Variants in CDH13 observed in about 807,000 individuals in gnomAD.
The protein encoded by CDH13 is cadherin-13.
In CDH13, 24 loss-of-function variants were observed where a neutral mutation model predicts 63.8. The observed-to-expected ratio is 0.38, with a 90% confidence interval of 0.27 to 0.53. The LOEUF is 0.53. Ranked by LOEUF, CDH13 falls within the 20% of genes least tolerant of loss-of-function variation. The pLI, the probability that CDH13 is intolerant of heterozygous loss-of-function variation, is 0.85. For synonymous variants in CDH13, 503 were observed against 355.3 expected (o/e 1.42, Z -4.67); for missense variants, 1,049 against 903.1 (o/e 1.16, Z -2.07).
intron 1 of CDH13, among the ~76,000 whole-genome samples, chr16:82,663,216 C>T (rs544845599): frequency 5.3e-5 from 8 of 152,132 alleles, no homozygotes; most frequent in Non-Finnish European, 8.8e-5. Flanking sequence ...GAGGGAGTTT[C>T]GCTGTTGTTG....
chr16:83,206,173 C>G (rs1309589104), intron 4 of CDH13, among the ~76,000 whole-genome samples: 5 of 152,160 alleles, frequency 3.3e-5, no homozygotes, highest in Non-Finnish European at 7.3e-5. Flanking sequence ...TTTCCCTTCT[C>G]TCTCTGTCTG....
chr16:83,114,409 A>G (rs543416790), intron 3 of CDH13, among the ~76,000 whole-genome samples: 32 of 152,266 alleles, frequency 2.1e-4, no homozygotes, highest in African/African-American at 7.2e-4. Flanking sequence ...GGGGTGCTTG[A>G]TAAGCACTGA....
chr16:82,638,676 G>T (rs1203222859), intron 1 of CDH13, among the ~76,000 whole-genome samples: 1 of 152,080 alleles, frequency 6.6e-6, no homozygotes, highest in Non-Finnish European at 1.5e-5. Context: ...CCCCAGGGAG[G>T]ATTTGCCAAT....
intron 5 of CDH13, among the ~76,000 whole-genome samples, chr16:83,320,480 C>T (rs1252192513): frequency 6.6e-6 from 1 of 152,118 alleles, no homozygotes; most frequent in Non-Finnish European, 1.5e-5. Context: ...AAACAGTTGC[C>T]TGATTTTAAA....
At chr16:83,253,095 C>T (rs1411278272) in intron 5 of CDH13, among the ~76,000 whole-genome samples, 1 of 152,188 alleles carries the variant, frequency 6.6e-6, no homozygotes, top group Non-Finnish European at 1.5e-5. Flanking sequence ...GTAACTCTTA[C>T]TAATCTGGTG....
intron 10 of CDH13, among the ~76,000 whole-genome samples, chr16:83,736,830 AT>A (rs1911583718): frequency 6.6e-6 from 1 of 152,230 alleles, no homozygotes; most frequent in Non-Finnish European, 1.5e-5. Context: ...CTAACAAAGA[AT>A]TAATGGCCTC....
rs181811345 is a variant in CDH13 at position 83,623,624 on chromosome 16, C to T, written c.1101+21030C>T. 1.7e-3 allele frequency among the ~76,000 whole-genome samples: 264 copies of T among 152,304 alleles called. 1 individual carries two copies. The highest frequency in any genetic ancestry group is 5.0e-3 in the Admixed American group (76 of 15,300). On this transcript the variant is annotated intron_variant, in intron 8 of 13. Coordinates refer to ENST00000567109, the MANE Select transcript of CDH13 (RefSeq NM_001257.5). ...TCTTTGCTAATCGCCCCTGAATGCA[C>T]GGTTCAATTCAGGGCTGTAAATCCA...
chr16:82,881,537 A>G (rs564886027), intron 2 of CDH13, among the ~76,000 whole-genome samples: 60 of 152,318 alleles, frequency 3.9e-4, no homozygotes, highest in African/African-American at 1.3e-3. Context: ...CCTTAGAGGA[A>G]AAGACTGTCT....
At chr16:83,077,856 A>G (rs1355043056) in intron 3 of CDH13, among the ~76,000 whole-genome samples, 1 of 152,162 alleles carries the variant, frequency 6.6e-6, no homozygotes, top group African/African-American at 2.4e-5. Context: ...GCATCCTCAC[A>G]AACATTTGCT....
At chr16:83,389,229 T>A (rs540266311) in intron 6 of CDH13, among the ~76,000 whole-genome samples, 2 of 152,368 alleles carry the variant, frequency 1.3e-5, no homozygotes, top group South Asian at 4.1e-4. Context: ...AAAAGTCAGA[T>A]ATGCAAAATA....
intron 2 of CDH13, among the ~76,000 whole-genome samples, chr16:82,946,626 C>A (rs12445666): frequency 0.062 from 9,491 of 151,908 alleles, 467 homozygotes; most frequent in East Asian, 0.18. Context: ...GAGGCTGAGG[C>A]GTGAAAATTG....
chr16:83,501,719 C>G (rs2074287971), intron 7 of CDH13, among the ~76,000 whole-genome samples: 1 of 152,164 alleles, frequency 6.6e-6, no homozygotes, highest in East Asian at 1.9e-4. Flanking sequence ...TTGGATTTGA[C>G]CTCATAGCCG....
intron 5 of CDH13, among the ~76,000 whole-genome samples, chr16:83,241,757 T>C (rs1904473400): frequency 6.6e-6 from 1 of 152,224 alleles, no homozygotes; most frequent in Non-Finnish European, 1.5e-5. Context: ...ATATATGTCT[T>C]GCAAAGATTT....
At chr16:83,144,911 G>C (rs1237109063) in intron 4 of CDH13, among the ~76,000 whole-genome samples, 1 of 152,210 alleles carries the variant, frequency 6.6e-6, no homozygotes, top group Non-Finnish European at 1.5e-5. Context: ...CAGAGGGTAG[G>C]TTAATGGAGA....
intron 1 of CDH13, among the ~76,000 whole-genome samples, chr16:82,681,590 C>G (rs566062611): frequency 6.6e-6 from 1 of 152,254 alleles, no homozygotes; most frequent in Non-Finnish European, 1.5e-5. Context: ...GTCACCAAAA[C>G]GTATCTGACA....
At chr16:82,881,607 C>T (rs567199663) in intron 2 of CDH13, among the ~76,000 whole-genome samples, 1 of 152,158 alleles carries the variant, frequency 6.6e-6, no homozygotes, top group Non-Finnish European at 1.5e-5. Context: ...ACCTGGGAAA[C>T]ATAGTCCTTC....
rs148760347 is a variant in CDH13 at position 83,162,850 on chromosome 16, T to C, written c.483+37349T>C. On this transcript the variant is annotated intron_variant, in intron 4 of 13. Transcript: ENST00000567109. ...TTGGAGAAATGGTGTTATAGCTGGATTGGGGACTGTTGAGATGCCTAAATC... is the reference window on the plus strand; with the variant it reads ...TTGGAGAAATGGTGTTATAGCTGGACTGGGGACTGTTGAGATGCCTAAATC... 5.2e-3 allele frequency among the ~76,000 whole-genome samples: 790 copies of C among 152,224 alleles called. 5 individuals are homozygous for C. Among genetic ancestry groups the C allele is most frequent in the African/African-American group, 0.018 (755 of 41,560 alleles).
chr16:83,791,212 G>A (rs1411655784), intron 13 of CDH13, among the ~76,000 whole-genome samples: 1 of 152,106 alleles, frequency 6.6e-6, no homozygotes, highest in African/African-American at 2.4e-5. Flanking sequence ...TAAATAAAAT[G>A]TGGACCAGGC....
intron 5 of CDH13, among the ~76,000 whole-genome samples, chr16:83,343,738 T>G (rs1336280909): frequency 3.3e-5 from 5 of 152,176 alleles, no homozygotes; most frequent in Admixed American, 3.3e-4. Flanking sequence ...TTTAAATGCT[T>G]TAGAAATATT....
Sources: allele counts gnomAD v4.1 joint callset (sites outside exome capture counted in the v4.1 genomes callset), GRCh38; gene constraint gnomAD v4.1.1; transcripts MANE v1.5; gene names NCBI Gene and HGNC (gene_info 2026-07-23, HGNC 2026-07-21).